Variants in SLC39A11 observed in about 807,000 individuals in gnomAD.
SLC39A11 encodes the protein solute carrier family 39 member 11.
Under a neutral mutation model 36.1 loss-of-function variants are expected in SLC39A11, and 33 were observed. The ratio of observed to expected loss-of-function variants is 0.91; its 90% confidence interval spans 0.69 to 1.22. The LOEUF is 1.22. SLC39A11 is among the 50% of genes most tolerant of loss of function. The pLI is 0.00. For synonymous variants in SLC39A11, 166 were observed against 170.3 expected, an observed-to-expected ratio of 0.97 and a Z score of 0.20; for missense variants, 432 against 430.3, an observed-to-expected ratio of 1.00 and a Z score of -0.03.
intron 3 of SLC39A11, among the ~76,000 whole-genome samples, chr17:73,047,093 C>T (rs564992049): frequency 4.7e-4 from 70 of 148,498 alleles, no homozygotes; most frequent in Non-Finnish European, 7.6e-4. Context: ...GGCACCATCT[C>T]GGCTCACTGC....
chr17:72,856,454 T>G (rs1259915088), intron 5 of SLC39A11, among the ~76,000 whole-genome samples: 1 of 152,220 alleles, frequency 6.6e-6, no homozygotes, highest in African/African-American at 2.4e-5. Context: ...CCGCTTAGGT[T>G]TGTCAATGAG....
intron 7 of SLC39A11, among the ~76,000 whole-genome samples, chr17:72,658,197 T>G (rs2070232156): frequency 6.6e-6 from 1 of 151,758 alleles, no homozygotes; most frequent in South Asian, 2.1e-4. Flanking sequence ...CCACAAGGGG[T>G]GCCAAGGGAG....
chr17:73,028,423 T>C (rs1257720456), intron 4 of SLC39A11, among the ~76,000 whole-genome samples: 1 of 152,136 alleles, frequency 6.6e-6, no homozygotes, highest in Non-Finnish European at 1.5e-5. Flanking sequence ...AAAGGAAACC[T>C]TTGGCCAGCC....
intron 7 of SLC39A11, 149 bp from the exon 8 acceptor site, chr17:72,649,417 G>A (rs2069740007): frequency 1.5e-6 from 1 of 653,524 alleles, no homozygotes; most frequent in Non-Finnish European, 2.7e-6. Context: ...AGAAAGGTCA[G>A]GACGTGTGTC....
At chr17:72,944,662 AATATAACT>A (rs2085322802) in intron 5 of SLC39A11, among the ~76,000 whole-genome samples, 1 of 152,216 alleles carries the variant, frequency 6.6e-6, no homozygotes, top group Non-Finnish European at 1.5e-5. Context: ...TTTACTCAAC[AATATAACT>A]GTCCACAGAG....
chr17:72,823,358 A>G (rs990989509), intron 6 of SLC39A11, among the ~76,000 whole-genome samples: 2 of 151,304 alleles, frequency 1.3e-5, no homozygotes, highest in Admixed American at 6.6e-5. Context: ...AGTAGCCTGT[A>G]TCTTCCATCT....
chr17:72,963,169 CTTTTTTTTTT>C (rs5821936), intron 4 of SLC39A11, among the ~76,000 whole-genome samples: 2 of 114,552 alleles, frequency 1.7e-5, no homozygotes, highest in Non-Finnish European at 3.3e-5. Context: ...TTTTTCCTTT[CTTTTTTTTTT>C]TTTTTTTTTG....
At chr17:73,006,378 C>G (rs1429381937) in intron 4 of SLC39A11, among the ~76,000 whole-genome samples, 1 of 152,000 alleles carries the variant, frequency 6.6e-6, no homozygotes, top group Non-Finnish European at 1.5e-5. Context: ...GATTGTGGGC[C>G]AAATCCAGCC....
At chr17:72,856,019 C>A (rs2079625821) in intron 5 of SLC39A11, among the ~76,000 whole-genome samples, 1 of 151,996 alleles carries the variant, frequency 6.6e-6, no homozygotes, top group Non-Finnish European at 1.5e-5. Context: ...ATGATGGGAA[C>A]TTTTGGCTAT....
intron 7 of SLC39A11, among the ~76,000 whole-genome samples, chr17:72,696,070 A>G (rs867662): frequency 0.21 from 32,504 of 152,204 alleles, 3,956 homozygotes; most frequent in South Asian, 0.42. Context: ...GCTATGGGGC[A>G]AAGAGTCTGC....
intron 4 of SLC39A11, among the ~76,000 whole-genome samples, chr17:72,962,463 C>T (rs2086675812): frequency 1.3e-5 from 2 of 152,294 alleles, no homozygotes; most frequent in African/African-American, 2.4e-5. Context: ...ATTCAGGTCC[C>T]TATTTTCTTG....
chr17:72,990,471 G>T (rs1432949027), intron 4 of SLC39A11, among the ~76,000 whole-genome samples: 1 of 152,138 alleles, frequency 6.6e-6, no homozygotes, highest in Non-Finnish European at 1.5e-5. Flanking sequence ...AGGCTGGAGT[G>T]TAGTGGCGTG....
chr17:72,946,186 T>C (rs1260769464), intron 5 of SLC39A11, among the ~76,000 whole-genome samples: 3 of 152,224 alleles, frequency 2.0e-5, no homozygotes, highest in African/African-American at 7.2e-5. Flanking sequence ...AAAGAGAAGA[T>C]GATACCTAAA....
chr17:73,040,712 C>T (rs1249026584), intron 3 of SLC39A11, among the ~76,000 whole-genome samples: 5 of 152,096 alleles, frequency 3.3e-5, no homozygotes, highest in East Asian at 1.9e-4. Context: ...TGCCCAGGCA[C>T]GGTGGCTCAT....
chr17:72,965,840 G>C (rs1415043146), intron 4 of SLC39A11, among the ~76,000 whole-genome samples: 1 of 152,206 alleles, frequency 6.6e-6, no homozygotes, highest in African/African-American at 2.4e-5. Context: ...TCTGCTGTTA[G>C]ATACCTGACC....
chr17:72,962,305 C>G lies in SLC39A11; in HGVS notation c.307-14430G>C, dbSNP rs78295660. ...CCACCGTTTCCATGGGGCCAGAGTC[C>G]AGGGATCGGTGCAGCTAGGTCCTCT... On this transcript the variant is annotated intron_variant, in intron 4 of 9. Coordinates refer to ENST00000255559, the MANE Select transcript of SLC39A11 (RefSeq NM_139177.4). 2.1e-3 allele frequency among the ~76,000 whole-genome samples: 317 copies of G among 152,284 alleles called. 1 individual carries two copies. The highest frequency in any genetic ancestry group is 7.2e-3 in the African/African-American group (299 of 41,556).
At chr17:72,719,065 C>A (rs1033044621) in intron 7 of SLC39A11, among the ~76,000 whole-genome samples, 4 of 143,994 alleles carry the variant, frequency 2.8e-5, no homozygotes, top group African/African-American at 8.4e-5. Flanking sequence ...ATGGCAAAAC[C>A]CCGAATCTAC....
intron 3 of SLC39A11, among the ~76,000 whole-genome samples, chr17:73,046,548 G>C (rs2059298653): frequency 1.3e-5 from 2 of 152,164 alleles, no homozygotes; most frequent in African/African-American, 4.8e-5. Flanking sequence ...ACTTGTTTTA[G>C]TATAAGCATG....
At chr17:72,793,154 G>T (rs891517901) in intron 6 of SLC39A11, among the ~76,000 whole-genome samples, 2 of 152,138 alleles carry the variant, frequency 1.3e-5, no homozygotes, top group Admixed American at 6.5e-5. Flanking sequence ...AGATAATTCT[G>T]GGGGATGGTG....
Sources: gnomAD v4.1 joint callset for allele counts (sites outside exome capture counted in the v4.1 genomes callset) on GRCh38, gnomAD v4.1.1 for gene constraint, MANE v1.5 for transcripts, NCBI Gene and HGNC (gene_info 2026-07-23, HGNC 2026-07-21) for gene names.